The following SLC22A4 variants were observed in gnomAD, a reference collection of about 807,000 sequenced individuals.
SLC22A4 encodes solute carrier family 22 member 4, also known as ET transporter.
In SLC22A4, 39 loss-of-function variants were observed where a neutral mutation model predicts 56.6. The ratio of observed to expected loss-of-function variants is 0.69; its 90% CI spans 0.53 to 0.90. SLC22A4 has a LOEUF of 0.90. Ranked by LOEUF, SLC22A4 falls within the 40% of genes least tolerant of loss-of-function variation. The probability of loss-of-function intolerance (pLI) is 0.00; values close to 1 mark genes in which losing one functional copy is unlikely to be tolerated. For missense variants in SLC22A4, 594 were observed against 696.5 expected (o/e 0.85, Z 1.66); for synonymous variants, 241 against 281.4 (o/e 0.86, Z 1.44).
intron 7 of SLC22A4, 114 bp downstream of exon 7, chr5:132,335,046 A>C (rs940098105): frequency 1.3e-6 from 1 of 783,214 alleles, no homozygotes; most frequent in African/African-American, 1.7e-5. Context: ...GCCATTCATA[A>C]GTCAATTAGA....
At chr5:132,303,168 G>T (rs1369457809) in intron 1 of SLC22A4, among the ~76,000 whole-genome samples, 3 of 152,206 alleles carry the variant, frequency 2.0e-5, no homozygotes, top group African/African-American at 7.2e-5. Flanking sequence ...TTGGAGAATA[G>T]ATGTTTTGCC....
At chr5:132,327,724 T>G (rs1262326633) in intron 5 of SLC22A4, among the ~76,000 whole-genome samples, 1 of 152,250 alleles carries the variant, frequency 6.6e-6, no homozygotes, top group Admixed American at 6.5e-5. Flanking sequence ...TGATGATTTT[T>G]AAATGTCCAG....
chr5:132,328,448 G>C (rs1391901978), intron 5 of SLC22A4, among the ~76,000 whole-genome samples: 1 of 152,150 alleles, frequency 6.6e-6, no homozygotes, highest in African/African-American at 2.4e-5. Flanking sequence ...AGATACTCTG[G>C]CTATGGCTAG....
intron 8 of SLC22A4, among the ~76,000 whole-genome samples, chr5:132,339,500 A>ACACACC (rs773955509): frequency 6.6e-6 from 1 of 151,014 alleles, no homozygotes; most frequent in African/African-American, 2.4e-5. Context: ...ACACACACAC[A>ACACACC]CACCTGAAAA....
At chr5:132,325,005 G>T (rs764588161) in intron 4 of SLC22A4, among the ~76,000 whole-genome samples, 1 of 152,184 alleles carries the variant, frequency 6.6e-6, no homozygotes, top group African/African-American at 2.4e-5. Flanking sequence ...CCTTTAAAAG[G>T]CTTGGCAGTA....
intron 4 of SLC22A4, among the ~76,000 whole-genome samples, chr5:132,325,077 C>CCACATTG (rs1417902447): frequency 6.6e-6 from 1 of 152,014 alleles, no homozygotes; most frequent in Non-Finnish European, 1.5e-5. Context: ...GGGAAGCAGG[C>CCACATTG]CATAGATGCA....
intron 8 of SLC22A4, among the ~76,000 whole-genome samples, chr5:132,338,669 C>T (rs1751105056): frequency 1.3e-5 from 2 of 152,180 alleles, no homozygotes; most frequent in South Asian, 4.1e-4. Flanking sequence ...AAAAAGAATT[C>T]AGCGATATTT....
chr5:132,325,780 G>A (rs1003915119), intron 4 of SLC22A4, among the ~76,000 whole-genome samples: 1 of 152,168 alleles, frequency 6.6e-6, no homozygotes, highest in African/African-American at 2.4e-5. Context: ...GGCCAGACAC[G>A]ACTCCAGAGG....
intron 1 of SLC22A4, among the ~76,000 whole-genome samples, chr5:132,305,075 T>C (rs751878826): frequency 1.3e-5 from 2 of 152,226 alleles, no homozygotes; most frequent in Non-Finnish European, 2.9e-5. Context: ...AGAGACCTTG[T>C]CTCTTAAACA....
At chr5:132,319,756 CTAA>C (rs1419554871) in intron 3 of SLC22A4, among the ~76,000 whole-genome samples, 1 of 152,134 alleles carries the variant, frequency 6.6e-6, no homozygotes, top group African/African-American at 2.4e-5. Flanking sequence ...CCATGCCTGG[CTAA>C]TTTTTGTATT....
chr5:132,298,228 G>A (rs1749822935), intron 1 of SLC22A4, among the ~76,000 whole-genome samples: 1 of 152,222 alleles, frequency 6.6e-6, no homozygotes, highest in African/African-American at 2.4e-5. Context: ...AAAGGTGAAA[G>A]CAACCCAAGT....
chr5:132,332,679 T>C (rs1750898864), intron 6 of SLC22A4, among the ~76,000 whole-genome samples: 1 of 151,670 alleles, frequency 6.6e-6, no homozygotes, highest in Non-Finnish European at 1.5e-5. Context: ...GATTTAATAA[T>C]TTATCTGCCA....
At chr5:132,332,707 A>T (rs2126734899) in intron 6 of SLC22A4, among the ~76,000 whole-genome samples, 1 of 149,950 alleles carries the variant, frequency 6.7e-6, no homozygotes, top group Non-Finnish European at 1.5e-5. Flanking sequence ...AGGAAAAAAG[A>T]AAATTCCTAC....
intron 4 of SLC22A4, among the ~76,000 whole-genome samples, chr5:132,326,987 T>C (rs1194472071): frequency 6.6e-6 from 1 of 152,232 alleles, no homozygotes; most frequent in Non-Finnish European, 1.5e-5. Flanking sequence ...AAGTTTTGGA[T>C]GAACTTCTCC....
intron 8 of SLC22A4, among the ~76,000 whole-genome samples, chr5:132,336,486 T>A (rs1751030423): frequency 6.6e-6 from 1 of 152,066 alleles, no homozygotes; most frequent in Non-Finnish European, 1.5e-5. Context: ...ATTGCACCAC[T>A]GCACTCCAAC....
intron 1 of SLC22A4, among the ~76,000 whole-genome samples, chr5:132,303,467 C>T (rs1471932214): frequency 6.6e-6 from 1 of 152,118 alleles, no homozygotes; most frequent in Non-Finnish European, 1.5e-5. Context: ...ATGGAAGTTC[C>T]ACTCTAGGTG....
rs1749725932 is a variant in SLC22A4, at chr5:132,294,471, C to G, written c.-146C>G. 1 of 1,135,364 alleles carries G rather than the reference C, an allele frequency of 8.8e-7. No individual in the cohort carries two copies. The highest frequency in any genetic ancestry group is 1.3e-6 in the Non-Finnish European group (1 of 790,376). 70.3% of individuals were successfully genotyped at this position (1,135,364 alleles called of 1,614,324 possible). ...CTTCAGCCTGTTTCCCAGGAACGGT[C>G]CCCGGCTTCGCGCCCCAATTTCTAA... On this transcript the variant is annotated 5_prime_UTR_variant, in exon 1 of 10. Coordinates refer to ENST00000200652, the MANE Select transcript of SLC22A4 (RefSeq NM_003059.3). The surrounding 1 kb of genome is among the most constrained non-coding windows in gnomAD (Gnocchi z 5.6).
At chr5:132,312,119 C>A (rs765456342) in intron 1 of SLC22A4, 42 bp from the exon 2 acceptor site, 2 of 1,228,220 alleles carry the variant, frequency 1.6e-6, no homozygotes, top group Non-Finnish European at 2.4e-6. Flanking sequence ...TTGAGGTCTG[C>A]CTCAGGGTTG....
intron 1 of SLC22A4, 135 bp from the exon 2 acceptor site, chr5:132,312,026 T>C: frequency 1.3e-6 from 1 of 769,802 alleles, no homozygotes; most frequent in Non-Finnish European, 2.4e-6. Context: ...GCCTATGCCC[T>C]TTGTACAAAG....
Sources: gnomAD v4.1 joint callset for allele counts (sites outside exome capture counted in the v4.1 genomes callset) on GRCh38, gnomAD v4.1.1 for gene constraint, Gnocchi (gnomAD v3.1) non-coding constraint, MANE v1.5 for transcripts, NCBI Gene and HGNC (gene_info 2026-07-23, HGNC 2026-07-21) for gene names.